ATOH1: variants seen among roughly 807,000 people sequenced by gnomAD.
The protein encoded by ATOH1 is atonal bHLH transcription factor 1.
ATOH1 carries 9 observed loss-of-function variants against 20.7 expected under a neutral mutation model. The observed-to-expected ratio is 0.44, with a 90% CI of 0.26 to 0.76. ATOH1 has a LOEUF of 0.76. ATOH1 is among the 30% of genes least tolerant of loss of function. ATOH1 has a pLI of 0.20. For synonymous variants in ATOH1, 247 were observed against 214.3 expected (o/e 1.15, Z -1.33); for missense variants, 516 against 479.3 (o/e 1.08, Z -0.71).
Position 93,830,939 on chromosome 4 carries a change from C to A in ATOH1, c.*948C>A, listed in dbSNP as rs1262712526. On this transcript the variant is annotated 3_prime_UTR_variant, in exon 1 of 1. Transcript: ENST00000306011. ...CCCTTGTTTAATGTATTTTGTTTTG[C>A]AAATGATTAAAATAAATGTGAAAAG... 5 of 166,654 alleles carry A rather than the reference C, an allele frequency of 3.0e-5. No homozygotes were observed. The highest frequency in any genetic ancestry group is 4.4e-5 in the Non-Finnish European group (3 of 68,086). The allele number at this position is 166,654 out of a possible 1,614,324, so 10.3% of individuals were successfully genotyped here.
At position 93,830,355 on chromosome 4, in the gene ATOH1, G is replaced by C. The variant is rs1735419845; in HGVS notation, c.*364G>C. The C allele has an allele frequency of 5.1e-6, 1 of 196,594 alleles. No individual in the cohort carries two copies. The highest frequency in any genetic ancestry group is 1.1e-5 in the Non-Finnish European group (1 of 88,572). 12.2% of individuals were successfully genotyped at this position (196,594 alleles called of 1,614,324 possible). On this transcript the variant is annotated 3_prime_UTR_variant, in exon 1 of 1. Coordinates refer to ENST00000306011, the MANE Select transcript of ATOH1 (RefSeq NM_005172.2). Reference sequence around the variant, plus strand: ...AAAACGTCGCATCTTCTCTGTCACTGGTTTGGGTTTAATTTATTTTACGCC... The same window carrying C: ...AAAACGTCGCATCTTCTCTGTCACTCGTTTGGGTTTAATTTATTTTACGCC...
At position 93,830,118 on chromosome 4, in the gene ATOH1, C is replaced by G; in HGVS notation, c.*127C>G. On this transcript the variant is annotated 3_prime_UTR_variant, in exon 1 of 1. Coordinates refer to ENST00000306011, the MANE Select transcript of ATOH1 (RefSeq NM_005172.2). ...CTCTGCGATGGTCGTTGTTTAGCAA[C>G]GACTTGGCTTCAGATGGCAGCTACA... is the stretch of plus-strand genomic sequence containing the variant. The G allele has an allele frequency of 7.0e-7, 1 of 1,427,376 alleles. No individual in the cohort carries two copies. The highest frequency in any genetic ancestry group is 1.6e-5 in the South Asian group (1 of 61,230). The allele number at this position is 1,427,376 out of a possible 1,614,324, so 88.4% of individuals were successfully genotyped here.
At position 93,829,649 on chromosome 4, in the gene ATOH1, G is replaced by C. The variant is rs747363887; in HGVS notation, c.723G>C (p.Ala241=). 7.5e-6 allele frequency: 12 copies of C among 1,598,330 alleles called. No homozygotes were observed. The Middle Eastern group carries it at 1.9e-3, about 247-fold the overall frequency. The change falls in exon 1 of 1, where the codon GCG becomes GCC. Residue 241 remains alanine (A), a synonymous_variant. Coordinates refer to ENST00000306011, the MANE Select transcript of ATOH1 (RefSeq NM_005172.2). This position sits in a 1 kb window ranked among gnomAD's most constrained non-coding sequence, Gnocchi z 4.5. ...CKSDHHHLRT[A]ASYEGGAGNA... ...GCGACCACCACCACCTTCGCACCGC[G>C]GCCTCCTATGAAGGGGGCGCGGGCA...
At position 93,829,375 on chromosome 4, in the gene ATOH1, G is replaced by T; in HGVS notation, c.449G>T (p.Ser150Ile). Residue 150 changes from serine to isoleucine, a missense_variant, in exon 1 of 1, where the codon AGC becomes ATC. Ser to Ile is a moderately radical substitution (Grantham distance 142, BLOSUM62 -2). Transcript: ENST00000306011. The surrounding 1 kb of genome is among the most constrained non-coding windows in gnomAD (Gnocchi z 4.5). ...TGCAGCCGCCAACGGGCCCCTTCCA[G>T]CAAACAGGTGAATGGGGTGCAGAAG... Reference protein sequence around the residue: ...LGCSRQRAPSSKQVNGVQKQR... With the variant: ...LGCSRQRAPSIKQVNGVQKQR... 6.2e-7 allele frequency: 1 copy of T among 1,614,222 alleles called. No individual in the cohort carries two copies. The highest frequency in any genetic ancestry group is 1.1e-5 in the South Asian group (1 of 91,092).
chr4:93,830,092 G>T lies in ATOH1; in HGVS notation c.*101G>T. 1 of 1,460,208 alleles carries T rather than the reference G, an allele frequency of 6.8e-7. No homozygotes were observed. The allele number at this position is 1,460,208 out of a possible 1,614,324, so 90.5% of individuals were successfully genotyped here. A position where few individuals can be genotyped will look rare whatever the true frequency, so the allele number is the denominator to read the frequency against. Reference sequence around the variant, plus strand: ...AAGATCCCCGCACCCTTTAATTTTTGCTCTGCGATGGTCGTTGTTTAGCAA... The same window carrying T: ...AAGATCCCCGCACCCTTTAATTTTTTCTCTGCGATGGTCGTTGTTTAGCAA... On this transcript the variant is annotated 3_prime_UTR_variant, in exon 1 of 1. Coordinates refer to ENST00000306011, the MANE Select transcript of ATOH1 (RefSeq NM_005172.2).
Position 93,829,036 on chromosome 4 carries a change from C to G in ATOH1, c.110C>G (p.Pro37Arg), listed in dbSNP as rs773229402. Reference protein sequence around the residue: ...HLPQPPPPPQPPATLQAREHP... With the variant: ...HLPQPPPPPQRPATLQAREHP... Reference sequence around the variant, plus strand: ...CCGCAACCGCCGCCGCCGCCGCAGCCACCTGCAACTTTGCAGGCGAGAGAG... The same window carrying G: ...CCGCAACCGCCGCCGCCGCCGCAGCGACCTGCAACTTTGCAGGCGAGAGAG... Residue 37 changes from proline (P) to arginine (R), a missense_variant, in exon 1 of 1, where the codon CCA becomes CGA. Transcript: ENST00000306011. The surrounding 1 kb of genome is among the most constrained non-coding windows in gnomAD (Gnocchi z 4.5). 1 of 1,613,960 alleles carries G rather than the reference C, an allele frequency of 6.2e-7. No individual in the cohort carries two copies. The highest frequency in any genetic ancestry group is 1.7e-5 in the Admixed American group (1 of 60,022).
Position 93,830,916 on chromosome 4 carries a change from C to A in ATOH1, c.*925C>A, listed in dbSNP as rs72659569. On this transcript the variant is annotated 3_prime_UTR_variant, in exon 1 of 1. Coordinates refer to ENST00000306011, the MANE Select transcript of ATOH1 (RefSeq NM_005172.2). ...TTTTAATTTAGCAAAGCCAACTGCC[C>A]TTGTTTAATGTATTTTGTTTTGCAA... 0.12 allele frequency: 20,770 copies of A among 166,836 alleles called. 1,413 individuals carry two copies. Among genetic ancestry groups the A allele is most frequent in the Admixed American group, 0.17 (2,629 of 15,280 alleles). The allele number at this position is 166,836 out of a possible 1,614,324, so 10.3% of individuals were successfully genotyped here. A position where few individuals can be genotyped will look rare whatever the true frequency, so the allele number is the denominator to read the frequency against.
chr4:93,828,815 A>AG lies in ATOH1; in HGVS notation c.-109dup. 1.6e-6 allele frequency: 2 copies of AG among 1,257,154 alleles called. No individual in the cohort carries two copies. The highest frequency in any genetic ancestry group is 1.6e-5 in the South Asian group (1 of 61,540). 77.9% of individuals were successfully genotyped at this position (1,257,154 alleles called of 1,614,324 possible). A position where few individuals can be genotyped will look rare whatever the true frequency, so the allele number is the denominator to read the frequency against. On this transcript the variant is annotated 5_prime_UTR_variant, in exon 1 of 1. Coordinates refer to ENST00000306011, the MANE Select transcript of ATOH1 (RefSeq NM_005172.2). ...CCGAGTGGGTGGGGGAGGGTCGAGG[A>AG]GGGAAAAAAAAATAAGACGTTGCAG...
chr4:93,830,174 C>A lies in ATOH1; in HGVS notation c.*183C>A. 1 of 1,292,890 alleles carries A rather than the reference C, an allele frequency of 7.7e-7. No individual in the cohort carries two copies. Among genetic ancestry groups the A allele is most frequent in the Non-Finnish European group, 1.0e-6 (1 of 976,026 alleles). 80.1% of individuals were successfully genotyped at this position (1,292,890 alleles called of 1,614,324 possible). On this transcript the variant is annotated 3_prime_UTR_variant, in exon 1 of 1. Coordinates refer to ENST00000306011, the MANE Select transcript of ATOH1 (RefSeq NM_005172.2). ...TGGTTTGCAAATGCCGCCGCTGTTCCAAACTTCCTACGGTCCATATTGTTT... is the reference window on the plus strand; with the variant it reads ...TGGTTTGCAAATGCCGCCGCTGTTCAAAACTTCCTACGGTCCATATTGTTT...
At position 93,829,341 on chromosome 4, in the gene ATOH1, G is replaced by T. The variant is rs769357921; in HGVS notation, c.415G>T (p.Glu139Ter). Residue 139 changes from glutamate (E) to a stop codon, truncating the protein, a stop_gained, in exon 1 of 1, where the codon GAG (glutamate) becomes TAG (stop). Transcript: ENST00000306011. LOFTEE classifies it high-confidence loss of function. The surrounding 1 kb of genome is among the most constrained non-coding windows in gnomAD (Gnocchi z 4.5). ...CKLKGGVVVD[E>*]LGCSRQRAPS... Reference sequence around the variant, plus strand: ...GCTGAAAGGCGGGGTGGTGGTAGACGAGCTGGGCTGCAGCCGCCAACGGGC... The same window carrying T: ...GCTGAAAGGCGGGGTGGTGGTAGACTAGCTGGGCTGCAGCCGCCAACGGGC... 2 of 1,613,928 alleles carry T rather than the reference G, an allele frequency of 1.2e-6. No homozygotes were observed. The highest frequency in any genetic ancestry group is 1.3e-5 in the African/African-American group (1 of 74,946).
Position 93,829,113 on chromosome 4 carries a change from G to T in ATOH1, c.187G>T (p.Ala63Ser). The T allele has an allele frequency of 1.9e-6, 3 of 1,609,556 alleles. No individual in the cohort carries two copies. Among genetic ancestry groups the T allele is most frequent in the Non-Finnish European group, 2.5e-6 (3 of 1,177,322 alleles). ...CCTCCTGGACAGCACCGACCCACGC[G>T]CCTGGCTGGCTCCCACTTTGCAGGG... ...LSLLDSTDPR[A>S]WLAPTLQGIC... Residue 63 changes from alanine to serine, a missense_variant, in exon 1 of 1, where the codon GCC (alanine) becomes TCC (serine). Physicochemically the swap from Ala to Ser is moderately conservative, Grantham distance 99. Coordinates refer to ENST00000306011, the MANE Select transcript of ATOH1 (RefSeq NM_005172.2). The surrounding 1 kb of genome is among the most constrained non-coding windows in gnomAD (Gnocchi z 4.5).
Position 93,829,432 on chromosome 4 carries a change from G to T in ATOH1, c.506G>T (p.Arg169Leu), listed in dbSNP as rs758188041. The change falls in exon 1 of 1, where the codon CGG (arginine) becomes CTG (leucine). Residue 169 changes from arginine (R) to leucine (L), a missense_variant. Transcript: ENST00000306011. This position sits in a 1 kb window ranked among gnomAD's most constrained non-coding sequence, Gnocchi z 4.5. Reference sequence around the variant, plus strand: ...CGGCTAGCAGCCAACGCCAGGGAGCGGCGCAGGATGCATGGGCTGAACCAC... The same window carrying T: ...CGGCTAGCAGCCAACGCCAGGGAGCTGCGCAGGATGCATGGGCTGAACCAC... Reference protein sequence around the residue: ...QRRLAANARERRRMHGLNHAF... With the variant: ...QRRLAANARELRRMHGLNHAF... 1.9e-6 allele frequency: 3 copies of T among 1,614,252 alleles called. No individual in the cohort carries two copies. The highest frequency in any genetic ancestry group is 2.5e-6 in the Non-Finnish European group (3 of 1,180,050).
In ATOH1 at chr4:93,830,175, A is replaced by C; in HGVS notation, c.*184A>C. On this transcript the variant is annotated 3_prime_UTR_variant, in exon 1 of 1. Coordinates refer to ENST00000306011, the MANE Select transcript of ATOH1 (RefSeq NM_005172.2). ...GGTTTGCAAATGCCGCCGCTGTTCC[A>C]AACTTCCTACGGTCCATATTGTTTG... 7.7e-7 allele frequency: 1 copy of C among 1,294,832 alleles called. No individual in the cohort carries two copies. The allele number at this position is 1,294,832 out of a possible 1,614,324, so 80.2% of individuals were successfully genotyped here.
rs1398880671 is a variant in ATOH1, at chr4:93,829,615, C to T, written c.689C>T (p.Ser230Phe). 8 of 1,611,564 alleles carry T rather than the reference C, an allele frequency of 5.0e-6. No homozygotes were observed. The East Asian group carries it at 1.8e-4, about 36-fold the overall frequency. ...GAACAGCCACCGCCGCCTCCAGCCT[C>T]CTGCAAAAGCGACCACCACCACCTT... Reference protein sequence around the residue: ...GGEQPPPPPASCKSDHHHLRT... With the variant: ...GGEQPPPPPAFCKSDHHHLRT... The change falls in exon 1 of 1, where the codon TCC becomes TTC. Residue 230 changes from serine to phenylalanine, a missense_variant. Transcript: ENST00000306011. The surrounding 1 kb of genome is among the most constrained non-coding windows in gnomAD (Gnocchi z 4.5).
rs1257751248 is a variant in ATOH1 at position 93,830,589 on chromosome 4, GTC to G, written c.*600_*601del. ...TGCATCCGATCGCGAGAACGTTGGC[GTC>G]TTTTAGGAAACTCCGCGCACGCACT... On this transcript the variant is annotated 3_prime_UTR_variant, in exon 1 of 1. Coordinates refer to ENST00000306011, the MANE Select transcript of ATOH1 (RefSeq NM_005172.2). The G allele has an allele frequency of 6.0e-6, 1 of 166,774 alleles. No homozygotes were observed. The highest frequency in any genetic ancestry group is 2.4e-5 in the African/African-American group (1 of 41,354). 10.3% of individuals were successfully genotyped at this position (166,774 alleles called of 1,614,324 possible). A position where few individuals can be genotyped will look rare whatever the true frequency, so the allele number is the denominator to read the frequency against.
Position 93,829,606 on chromosome 4 carries a change from C to A in ATOH1, c.680C>A (p.Pro227His), listed in dbSNP as rs1298913880. Reference sequence around the variant, plus strand: ...AGCGGAGGGGAACAGCCACCGCCGCCTCCAGCCTCCTGCAAAAGCGACCAC... The same window carrying A: ...AGCGGAGGGGAACAGCCACCGCCGCATCCAGCCTCCTGCAAAAGCGACCAC... ...TPSGGEQPPP[P>H]PASCKSDHHH... Residue 227 changes from proline (P) to histidine (H), a missense_variant, in exon 1 of 1, where the codon CCT (proline) becomes CAT (histidine). Coordinates refer to ENST00000306011, the MANE Select transcript of ATOH1 (RefSeq NM_005172.2). This position sits in a 1 kb window ranked among gnomAD's most constrained non-coding sequence, Gnocchi z 4.5. 1 of 1,612,932 alleles carries A rather than the reference C, an allele frequency of 6.2e-7. No individual in the cohort carries two copies.
chr4:93,829,158 G>C lies in ATOH1; in HGVS notation c.232G>C (p.Ala78Pro), dbSNP rs780982977. 264 of 1,595,008 alleles carry C rather than the reference G, an allele frequency of 1.7e-4. No individual in the cohort carries two copies. Among genetic ancestry groups the C allele is most frequent in the Non-Finnish European group, 2.2e-4 (254 of 1,169,470 alleles). ...TLQGICTARA[A>P]QYLLHSPELG... ...GCAGGGCATCTGCACGGCACGCGCC[G>C]CCCAGTATTTGCTACATTCCCCGGA... The change falls in exon 1 of 1, where the codon GCC becomes CCC. Residue 78 changes from alanine to proline, a missense_variant. Coordinates refer to ENST00000306011, the MANE Select transcript of ATOH1 (RefSeq NM_005172.2). This position sits in a 1 kb window ranked among gnomAD's most constrained non-coding sequence, Gnocchi z 4.5.
At position 93,830,766 on chromosome 4, in the gene ATOH1, G is replaced by A. The variant is rs1016952163; in HGVS notation, c.*775G>A. 2 of 166,396 alleles carry A rather than the reference G, an allele frequency of 1.2e-5. No individual in the cohort carries two copies. The highest frequency in any genetic ancestry group is 4.2e-4 in the South Asian group (2 of 4,814). The allele number at this position is 166,396 out of a possible 1,614,324, so 10.3% of individuals were successfully genotyped here. On this transcript the variant is annotated 3_prime_UTR_variant, in exon 1 of 1. Transcript: ENST00000306011. ...ATGAAAAATTAAAAAAAATCTAGTA[G>A]TGTCAAACGCATTTGGTCAATTTTA...
chr4:93,828,764 G>A lies in ATOH1; in HGVS notation c.-163G>A. 1.4e-6 allele frequency: 1 copy of A among 735,582 alleles called. No individual in the cohort carries two copies. The highest frequency in any genetic ancestry group is 2.1e-6 in the Non-Finnish European group (1 of 480,944). The allele number at this position is 735,582 out of a possible 1,614,324, so 45.6% of individuals were successfully genotyped here. On this transcript the variant is annotated 5_prime_UTR_variant, in exon 1 of 1. Coordinates refer to ENST00000306011, the MANE Select transcript of ATOH1 (RefSeq NM_005172.2). Reference sequence around the variant, plus strand: ...CGCCTTCAGCAACCGGAGAAGCATAGTTGCACGCGACCTGGTGTGTGATCT... The same window carrying A: ...CGCCTTCAGCAACCGGAGAAGCATAATTGCACGCGACCTGGTGTGTGATCT...
Sources: gnomAD v4.1 joint callset for allele counts on GRCh38, gnomAD v4.1.1 for gene constraint, Gnocchi (gnomAD v3.1) non-coding constraint, MANE v1.5 for transcripts, NCBI Gene and HGNC (gene_info 2026-07-23, HGNC 2026-07-21) for gene names.